MTSS1: variants seen among roughly 807,000 people sequenced by gnomAD.
The protein encoded by MTSS1 is protein MTSS 1.
MTSS1 carries 18 observed loss-of-function variants against 79.0 expected under a neutral mutation model. The observed-to-expected ratio is 0.23, with a 90% confidence interval of 0.16 to 0.34. The LOEUF (loss-of-function observed/expected upper bound fraction) is 0.34, where lower values mean the gene tolerates loss of function less well. MTSS1 is among the 10% of genes least tolerant of loss of function. The probability of loss-of-function intolerance (pLI) is 1.00; values close to 1 mark genes in which losing one functional copy is unlikely to be tolerated. For synonymous variants in MTSS1, 341 were observed against 368.6 expected, an observed-to-expected ratio of 0.93 and a Z score of 0.86; for missense variants, 815 against 986.2, an observed-to-expected ratio of 0.83 and a Z score of 2.33.
intron 3 of MTSS1, among the ~76,000 whole-genome samples, chr8:124,638,812 G>C (rs1014020897): frequency 6.6e-6 from 1 of 152,204 alleles, no homozygotes; most frequent in African/African-American, 2.4e-5. Context: ...AGGAGCAGAG[G>C]AGGAGGCTTT....
intron 11 of MTSS1, 81 bp from the exon 12 acceptor site, chr8:124,556,486 G>C: frequency 7.0e-7 from 1 of 1,431,282 alleles, no homozygotes; most frequent in South Asian, 1.4e-5. Flanking sequence ...CAGCTCCCCA[G>C]AGAAGGCAGC....
chr8:124,621,243 A>G (rs1012611301), intron 3 of MTSS1, among the ~76,000 whole-genome samples: 2 of 152,272 alleles, frequency 1.3e-5, no homozygotes, highest in Admixed American at 1.3e-4. Flanking sequence ...ATTAGTTTTC[A>G]ACATGAGTCA....
intron 3 of MTSS1, among the ~76,000 whole-genome samples, chr8:124,659,011 A>T (rs1821501562): frequency 6.6e-6 from 1 of 152,190 alleles, no homozygotes; most frequent in Non-Finnish European, 1.5e-5. Flanking sequence ...TAATCTTTGC[A>T]TTATTTCAAA....
intron 13 of MTSS1, among the ~76,000 whole-genome samples, chr8:124,555,332 G>A (rs925363465): frequency 4.6e-5 from 7 of 152,016 alleles, no homozygotes; most frequent in Non-Finnish European, 1.0e-4. Context: ...TGCAAGCTCT[G>A]CCTCCTGGGT....
chr8:124,653,722 T>A (rs1489557032), intron 3 of MTSS1, among the ~76,000 whole-genome samples: 9 of 151,632 alleles, frequency 5.9e-5, no homozygotes, highest in African/African-American at 2.2e-4. Context: ...AGACTCCATC[T>A]CAAAACAAAA....
At chr8:124,712,105 A>T (rs1432387806) in intron 1 of MTSS1, among the ~76,000 whole-genome samples, 1 of 152,002 alleles carries the variant, frequency 6.6e-6, no homozygotes, top group Non-Finnish European at 1.5e-5. Context: ...AGCTGTTGGC[A>T]CTTGTGGTAT....
intron 3 of MTSS1, among the ~76,000 whole-genome samples, chr8:124,653,722 TCAAAA>T (rs61150679): frequency 3.3e-5 from 5 of 151,632 alleles, no homozygotes; most frequent in East Asian, 1.9e-4. Flanking sequence ...AGACTCCATC[TCAAAA>T]CAAAACAAAA....
At position 124,645,232 on chromosome 8, in the gene MTSS1, C is replaced by T. The variant is rs188698636; in HGVS notation, c.209-53997G>A. On this transcript the variant is annotated intron_variant, in intron 3 of 13. Coordinates refer to ENST00000518547, the MANE Select transcript of MTSS1 (RefSeq NM_014751.6). ...AAAAACAAAAACAAAAACGAAAAAA[C>T]GAAAAACAATTAGCCAGCATGGTGG... is the stretch of plus-strand genomic sequence containing the variant. Among the ~76,000 whole-genome samples, 32 of 152,000 alleles carry T rather than the reference C, an allele frequency of 2.1e-4. No individual in the cohort carries two copies. The East Asian group carries it at 2.3e-3, about 11-fold the overall frequency.
intron 1 of MTSS1, among the ~76,000 whole-genome samples, chr8:124,705,437 C>T (rs1222378090): frequency 2.6e-5 from 4 of 152,094 alleles, no homozygotes; most frequent in African/African-American, 9.7e-5. Flanking sequence ...CACCACTGCA[C>T]TCCAGACTGG....
intron 3 of MTSS1, among the ~76,000 whole-genome samples, chr8:124,602,321 T>G (rs1475749698): frequency 6.6e-6 from 1 of 151,310 alleles, no homozygotes; most frequent in Non-Finnish European, 1.5e-5. Flanking sequence ...CACCTCAGCC[T>G]CCCAAACAGC....
intron 3 of MTSS1, among the ~76,000 whole-genome samples, chr8:124,677,901 C>A (rs1213786149): frequency 4.6e-5 from 7 of 152,174 alleles, no homozygotes; most frequent in Non-Finnish European, 1.0e-4. Context: ...TCATTCCTTT[C>A]TCTTTGATAA....
In MTSS1 at chr8:124,675,568, A is replaced by G. The variant is rs115210402; in HGVS notation, c.208+23958T>C. 3.1e-3 allele frequency among the ~76,000 whole-genome samples: 467 copies of G among 152,350 alleles called. 2 individuals are homozygous for G. The highest frequency in any genetic ancestry group is 7.8e-3 in the African/African-American group (323 of 41,588). ...TTCAGAAGCGTTCAGTGCATTCACAATGTGAGTAATGACCACCTCTACCTA... is the reference window on the plus strand; with the variant it reads ...TTCAGAAGCGTTCAGTGCATTCACAGTGTGAGTAATGACCACCTCTACCTA... On this transcript the variant is annotated intron_variant, in intron 3 of 13. Coordinates refer to ENST00000518547, the MANE Select transcript of MTSS1 (RefSeq NM_014751.6).
intron 3 of MTSS1, among the ~76,000 whole-genome samples, chr8:124,650,090 G>A (rs1030470648): frequency 6.6e-6 from 1 of 151,712 alleles, no homozygotes; most frequent in Admixed American, 6.6e-5. Context: ...GAGTGCAGTG[G>A]TGCAATTTCG....
At chr8:124,679,451 T>A (rs1019433236) in intron 3 of MTSS1, among the ~76,000 whole-genome samples, 1 of 152,194 alleles carries the variant, frequency 6.6e-6, no homozygotes, top group African/African-American at 2.4e-5. Flanking sequence ...AGTAAAACAG[T>A]CTACCTGAGA....
intron 3 of MTSS1, among the ~76,000 whole-genome samples, chr8:124,618,205 C>T (rs1201624963): frequency 2.6e-5 from 4 of 152,138 alleles, no homozygotes; most frequent in African/African-American, 7.2e-5. Context: ...GACTCCTCAG[C>T]CTTTATAACC....
At chr8:124,585,264 G>A in intron 5 of MTSS1, 103 bp from the exon 6 acceptor site, 1 of 816,944 alleles carries the variant, frequency 1.2e-6, no homozygotes, top group South Asian at 1.5e-5. Context: ...CATAAACTGT[G>A]ACATGCCGTC....
At chr8:124,569,285 CT>C (rs1354911350) in intron 6 of MTSS1, among the ~76,000 whole-genome samples, 1 of 152,202 alleles carries the variant, frequency 6.6e-6, no homozygotes, top group Non-Finnish European at 1.5e-5. Flanking sequence ...GGGTGTTAGT[CT>C]TTTGAATGAC....
chr8:124,659,371 G>A (rs908032760), intron 3 of MTSS1, among the ~76,000 whole-genome samples: 1 of 152,108 alleles, frequency 6.6e-6, no homozygotes, highest in African/African-American at 2.4e-5. Context: ...ATCTATTTCT[G>A]TGACTTGCAT....
At chr8:124,580,022 A>C (rs933652112) in intron 6 of MTSS1, 1 of 152,424 alleles carries the variant, frequency 6.6e-6, no homozygotes, top group African/African-American at 2.4e-5. Context: ...ACTCTACTGA[A>C]ATAAGAAATA....
Sources: allele counts gnomAD v4.1 joint callset (sites outside exome capture counted in the v4.1 genomes callset), GRCh38; gene constraint gnomAD v4.1.1; transcripts MANE v1.5; gene names NCBI Gene and HGNC (gene_info 2026-07-23, HGNC 2026-07-21).